MTHFD1L: variants seen among roughly 807,000 people sequenced by gnomAD.
The protein encoded by MTHFD1L is monofunctional C1-tetrahydrofolate synthase, mitochondrial.
A neutral mutation model predicts 119.5 loss-of-function variants in MTHFD1L; 81 were observed. The ratio of observed to expected loss-of-function variants is 0.68; its 90% CI spans 0.57 to 0.82. The LOEUF (loss-of-function observed/expected upper bound fraction) is 0.82, where lower values mean the gene tolerates loss of function less well. Ranked by LOEUF, MTHFD1L falls within the 40% of genes least tolerant of loss-of-function variation. The pLI is 0.00. For missense variants in MTHFD1L, 1,125 were observed against 1,253.4 expected, an observed-to-expected ratio of 0.90 and a Z score of 1.55; for synonymous variants, 430 against 475.2, an observed-to-expected ratio of 0.90 and a Z score of 1.24.
intron 26 of MTHFD1L, chr6:151,057,194 A>G (rs1426298325): frequency 3.0e-6 from 3 of 985,020 alleles, no homozygotes; most frequent in Non-Finnish European, 3.6e-6. Context: ...TGTATTTTCC[A>G]TGATCCTGAT....
chr6:150,974,822 C>T lies in MTHFD1L; in HGVS notation c.2125+2764C>T, dbSNP rs532602509. Among the ~76,000 whole-genome samples, 12 of 151,908 alleles carry T rather than the reference C, an allele frequency of 7.9e-5. 1 individual carries two copies. In the South Asian group the frequency reaches 1.9e-3, roughly 24 times the overall value. On this transcript the variant is annotated intron_variant, in intron 20 of 27. Transcript: ENST00000367321. ...CACAATCTCAGCTCACTGCAACCTC[C>T]GCCTCCCAGGTTCAAGCGATCCTCC...
chr6:150,990,364 G>A (rs887745984), intron 20 of MTHFD1L, among the ~76,000 whole-genome samples: 1 of 152,124 alleles, frequency 6.6e-6, no homozygotes, highest in Non-Finnish European at 1.5e-5. Context: ...TAGCAAAACA[G>A]TTAATAGCAG....
intron 12 of MTHFD1L, among the ~76,000 whole-genome samples, chr6:150,937,268 T>A (rs971546343): frequency 6.6e-6 from 1 of 152,140 alleles, no homozygotes; most frequent in Non-Finnish European, 1.5e-5. Flanking sequence ...ATATCGGTGT[T>A]TGATCATCCC....
At chr6:151,062,764 T>C (rs2128603549) in intron 26 of MTHFD1L, among the ~76,000 whole-genome samples, 2 of 152,298 alleles carry the variant, frequency 1.3e-5, no homozygotes, top group East Asian at 3.9e-4. Flanking sequence ...CTGCTACACA[T>C]TTCTCCAGTT....
chr6:151,057,388 C>A lies in MTHFD1L; in HGVS notation c.2847+20271C>A, dbSNP rs1031555725. The A allele has an allele frequency of 1.4e-5, 14 of 979,432 alleles. No homozygotes were observed. The African/African-American group carries it at 2.3e-4, about 16-fold the overall frequency. The allele number at this position is 979,432 out of a possible 1,614,324, so 60.7% of individuals were successfully genotyped here. ...AGGTACTGTGGCTCACGTCTGTAATCCCAACATTTTGGGAGGCTGAGGTGG... is the reference window on the plus strand; with the variant it reads ...AGGTACTGTGGCTCACGTCTGTAATACCAACATTTTGGGAGGCTGAGGTGG... On this transcript the variant is annotated intron_variant, in intron 26 of 27. Transcript: ENST00000367321.
intron 25 of MTHFD1L, 135 bp from the exon 26 acceptor site, chr6:151,036,830 G>A (rs13206141): frequency 0.2 from 167,416 of 828,912 alleles, 20,479 homozygotes; most frequent in Middle Eastern, 0.28. Flanking sequence ...TGAACAAGTA[G>A]TAACAAGCAG....
At chr6:150,880,591 G>A (rs774109909) in intron 4 of MTHFD1L, among the ~76,000 whole-genome samples, 7 of 152,206 alleles carry the variant, frequency 4.6e-5, no homozygotes, top group Admixed American at 1.3e-4. Flanking sequence ...TCAGCATAGC[G>A]GTTTCAGTTC....
Position 151,012,000 on chromosome 6 carries a change from T to TCAACAACAACAA in MTHFD1L, c.2266-1769_2266-1758dup, listed in dbSNP as rs773521876. On this transcript the variant is annotated intron_variant, in intron 21 of 27. Coordinates refer to ENST00000367321, the MANE Select transcript of MTHFD1L (RefSeq NM_015440.5). ...TGGGTGACAAGAACAAAAGTCCATC[T>TCAACAACAACAA]CAACAACAACAACAACAACAAAAAA... Among the ~76,000 whole-genome samples, 332 of 63,710 alleles carry TCAACAACAACAA rather than the reference T, an allele frequency of 5.2e-3. 10 individuals carry two copies. The highest frequency in any genetic ancestry group is 0.013 in the African/African-American group (150 of 11,230). The allele number at this position is 63,710 out of a possible 152,430, so 41.8% of individuals were successfully genotyped here.
chr6:150,900,197 A>T (rs922645169), intron 7 of MTHFD1L, among the ~76,000 whole-genome samples: 1 of 151,934 alleles, frequency 6.6e-6, no homozygotes, highest in Non-Finnish European at 1.5e-5. Context: ...AATTGCCAAA[A>T]GTGAGTCACC....
chr6:150,892,162 C>G (rs1338623392), intron 7 of MTHFD1L, among the ~76,000 whole-genome samples: 1 of 152,092 alleles, frequency 6.6e-6, no homozygotes, highest in Non-Finnish European at 1.5e-5. Flanking sequence ...GATTTGGAAG[C>G]TCAGTGGAAG....
At chr6:151,015,061 G>T (rs1364556113) in intron 23 of MTHFD1L, 81 bp downstream of exon 23, 2 of 1,121,244 alleles carry the variant, frequency 1.8e-6, no homozygotes, top group African/African-American at 3.1e-5. Context: ...GGGGTATTTG[G>T]TCTTTCTGTG....
At chr6:151,084,011 C>T (rs1301425641) in intron 26 of MTHFD1L, among the ~76,000 whole-genome samples, 1 of 152,136 alleles carries the variant, frequency 6.6e-6, no homozygotes, top group African/African-American at 2.4e-5. Context: ...ATGGTCAGAA[C>T]TTAACAAACA....
rs73019053 is a variant in MTHFD1L at position 150,976,745 on chromosome 6, A to T, written c.2125+4687A>T. Reference sequence around the variant, plus strand: ...AGATTGGAAAGAAACGTTTGCAAAGATAGTAGACAATGATTAGCATTGAGA... The same window carrying T: ...AGATTGGAAAGAAACGTTTGCAAAGTTAGTAGACAATGATTAGCATTGAGA... On this transcript the variant is annotated intron_variant, in intron 20 of 27. Transcript: ENST00000367321. Among the ~76,000 whole-genome samples the T allele has an allele frequency of 3.7e-3, 566 of 152,382 alleles. 2 individuals carry two copies. Among genetic ancestry groups the T allele is most frequent in the South Asian group, 6.6e-3 (32 of 4,834 alleles).
At chr6:151,099,175 C>CA (rs34747023) in intron 27 of MTHFD1L, among the ~76,000 whole-genome samples, 182 of 124,348 alleles carry the variant, frequency 1.5e-3, no homozygotes, top group Middle Eastern at 4.3e-3. Flanking sequence ...GACTCCATCT[C>CA]AAAAAAAAAA....
At chr6:150,956,934 A>T (rs1407715676) in intron 17 of MTHFD1L, among the ~76,000 whole-genome samples, 1 of 152,210 alleles carries the variant, frequency 6.6e-6, no homozygotes, top group Non-Finnish European at 1.5e-5. Context: ...ACACACAAAC[A>T]GATTTCAAAT....
At chr6:151,012,051 A>AAAAAAAAAAAAAAAAC (rs1782351135) in intron 21 of MTHFD1L, among the ~76,000 whole-genome samples, 1 of 146,214 alleles carries the variant, frequency 6.8e-6, no homozygotes, top group Non-Finnish European at 1.5e-5. Flanking sequence ...AAAAAAAAAA[A>AAAAAAAAAAAAAAAAC]CCAGCAGGGA....
At position 151,091,252 on chromosome 6, in the gene MTHFD1L, C is replaced by CAGCATTGCTCCATGT. The variant is rs1562652308; in HGVS notation, c.2848-1215_2848-1214insAGCATTGCTCCATGT. Among the ~76,000 whole-genome samples, 150 of 139,444 alleles carry CAGCATTGCTCCATGT rather than the reference C, an allele frequency of 1.1e-3. 3 individuals are homozygous for CAGCATTGCTCCATGT. The highest frequency in any genetic ancestry group is 3.9e-3 in the African/African-American group (140 of 36,158). 91.5% of individuals were successfully genotyped at this position (139,444 alleles called of 152,430 possible). On this transcript the variant is annotated intron_variant, in intron 26 of 27. Transcript: ENST00000367321. ...TGACTGGGTGCAGCATCGTTCCATG[C>CAGCATTGCTCCATGT]GACTGGGTGCAGCATTGCTCCATGT... is the stretch of plus-strand genomic sequence containing the variant.
chr6:151,083,700 T>C (rs1159174984), intron 26 of MTHFD1L, among the ~76,000 whole-genome samples: 2 of 152,186 alleles, frequency 1.3e-5, no homozygotes, highest in Non-Finnish European at 2.9e-5. Context: ...TTTTTTTAAT[T>C]TTTGACTAAA....
chr6:150,866,839 G>A (rs753956508), intron 1 of MTHFD1L, among the ~76,000 whole-genome samples: 12 of 152,066 alleles, frequency 7.9e-5, no homozygotes, highest in Non-Finnish European at 1.6e-4. Context: ...CCCCGCCCTC[G>A]CCCAGAGGGG....
Sources: gnomAD v4.1 joint callset for allele counts (sites outside exome capture counted in the v4.1 genomes callset) on GRCh38, gnomAD v4.1.1 for gene constraint, MANE v1.5 for transcripts, NCBI Gene and HGNC (gene_info 2026-07-23, HGNC 2026-07-21) for gene names.